Variants in NREP observed in about 807,000 individuals in gnomAD.
NREP encodes neuronal regeneration-related protein.
Under a neutral mutation model 8.6 loss-of-function variants are expected in NREP, and 5 were observed. The observed-to-expected ratio is 0.58, with a 90% CI of 0.30 to 1.22. The LOEUF is 1.22. Ranked by LOEUF, NREP falls within the 50% of genes most tolerant of loss-of-function variation. NREP has a pLI of 0.07. For synonymous variants in NREP, 27 were observed against 28.0 expected, an observed-to-expected ratio of 0.96 and a Z score of 0.11; for missense variants, 86 against 82.5, an observed-to-expected ratio of 1.04 and a Z score of -0.17.
intron 2 of NREP, among the ~76,000 whole-genome samples, chr5:111,937,420 A>G (rs944611315): frequency 3.3e-5 from 5 of 152,108 alleles, no homozygotes; most frequent in African/African-American, 1.2e-4. Flanking sequence ...CTTTCCAAGT[A>G]TGAAGTAAAG....
At chr5:111,923,679 T>C (rs1755308005) in intron 2 of NREP, among the ~76,000 whole-genome samples, 1 of 152,172 alleles carries the variant, frequency 6.6e-6, no homozygotes, top group Admixed American at 6.5e-5. Context: ...TGGCTATCCT[T>C]TAGCCACCAG....
At chr5:111,865,855 T>C (rs1341581065) in intron 2 of NREP, among the ~76,000 whole-genome samples, 1 of 152,182 alleles carries the variant, frequency 6.6e-6, no homozygotes, top group Non-Finnish European at 1.5e-5. Flanking sequence ...CCAAGTCACA[T>C]CATGAGCAAC....
chr5:111,917,043 G>T (rs570949357), intron 2 of NREP, among the ~76,000 whole-genome samples: 4 of 152,186 alleles, frequency 2.6e-5, no homozygotes, highest in Admixed American at 6.5e-5. Context: ...TTGACTTGGG[G>T]TTTTATATGT....
intron 2 of NREP, among the ~76,000 whole-genome samples, chr5:111,820,145 AC>A (rs1167554555): frequency 2.6e-4 from 40 of 152,162 alleles, no homozygotes; most frequent in African/African-American, 9.2e-4. Context: ...ACATCTGATC[AC>A]CCTGACCGTC....
upstream of NREP, among the ~76,000 whole-genome samples, chr5:111,758,509 C>T (rs1005624976): frequency 1.3e-5 from 2 of 152,036 alleles, no homozygotes; most frequent in Admixed American, 6.5e-5. Flanking sequence ...GGTTCTGTTG[C>T]CAATAAAGCA....
intron 2 of NREP, among the ~76,000 whole-genome samples, chr5:111,900,534 A>C (rs1274627132): frequency 6.6e-6 from 1 of 152,118 alleles, no homozygotes; most frequent in African/African-American, 2.4e-5. Flanking sequence ...GCCAAGAAAA[A>C]AAGAGTAAAT....
chr5:111,875,427 A>G (rs1753881161), intron 2 of NREP, among the ~76,000 whole-genome samples: 1 of 152,154 alleles, frequency 6.6e-6, no homozygotes, highest in Non-Finnish European at 1.5e-5. Context: ...TATCAGGAAA[A>G]ATAAAATAAA....
intron 2 of NREP, among the ~76,000 whole-genome samples, chr5:111,857,281 T>C (rs1753446708): frequency 6.6e-6 from 1 of 152,160 alleles, no homozygotes; most frequent in Non-Finnish European, 1.5e-5. Flanking sequence ...AGGTCAGGCC[T>C]TGGGGCCATG....
At chr5:111,787,692 T>C (rs1751644348) in intron 2 of NREP, among the ~76,000 whole-genome samples, 1 of 152,218 alleles carries the variant, frequency 6.6e-6, no homozygotes, top group Non-Finnish European at 1.5e-5. Context: ...TGTTAATCAG[T>C]AAAATATTTT....
chr5:111,740,604 G>A (rs768622613), intron 2 of NREP, among the ~76,000 whole-genome samples: 1 of 152,054 alleles, frequency 6.6e-6, no homozygotes, highest in Non-Finnish European at 1.5e-5. Context: ...GACAACTAGT[G>A]CTCCAAATGA....
At chr5:111,877,178 T>C (rs1248979110) in intron 2 of NREP, among the ~76,000 whole-genome samples, 1 of 152,178 alleles carries the variant, frequency 6.6e-6, no homozygotes, top group Non-Finnish European at 1.5e-5. Context: ...CACTGGAACA[T>C]ATCAACACTA....
chr5:111,824,521 GCT>G (rs771479863), intron 2 of NREP, among the ~76,000 whole-genome samples: 43 of 152,156 alleles, frequency 2.8e-4, no homozygotes, highest in Non-Finnish European at 4.9e-4. Context: ...TGGAAACACA[GCT>G]CTTTTTTAAT....
At chr5:111,931,701 T>C (rs1193028973) in intron 2 of NREP, among the ~76,000 whole-genome samples, 2 of 152,174 alleles carry the variant, frequency 1.3e-5, no homozygotes, top group Admixed American at 6.6e-5. Flanking sequence ...AAGATTGGAT[T>C]CTCTGACCTT....
chr5:111,787,926 T>C (rs985951940), intron 2 of NREP, among the ~76,000 whole-genome samples: 3 of 152,006 alleles, frequency 2.0e-5, no homozygotes, highest in African/African-American at 4.8e-5. Flanking sequence ...TGTGAGACCA[T>C]GTCTCTACAG....
intron 2 of NREP, among the ~76,000 whole-genome samples, chr5:111,806,213 T>C (rs543467712): frequency 6.6e-6 from 1 of 152,296 alleles, no homozygotes; most frequent in East Asian, 1.9e-4. Flanking sequence ...TCTCTACCCT[T>C]GTCCCACCTC....
intron 2 of NREP, among the ~76,000 whole-genome samples, chr5:111,936,362 C>G (rs1755682885): frequency 1.3e-5 from 2 of 152,058 alleles, no homozygotes; most frequent in Non-Finnish European, 1.5e-5. Flanking sequence ...TTTCCTGCTG[C>G]TATGTAAGAC....
intron 2 of NREP, among the ~76,000 whole-genome samples, chr5:111,869,742 A>G (rs56243059): frequency 0.086 from 13,069 of 152,182 alleles, 881 homozygotes; most frequent in East Asian, 0.25. Flanking sequence ...AATGACACCC[A>G]AAGAGCATGC....
At chr5:111,752,823 G>A (rs1750447720) in intron 2 of NREP, among the ~76,000 whole-genome samples, 1 of 152,120 alleles carries the variant, frequency 6.6e-6, no homozygotes, top group African/African-American at 2.4e-5. Flanking sequence ...CAATCATGTT[G>A]AAAACCAGGA....
intron 2 of NREP, among the ~76,000 whole-genome samples, chr5:111,791,858 G>C (rs1218158663): frequency 6.6e-6 from 1 of 152,082 alleles, no homozygotes; most frequent in South Asian, 2.1e-4. Flanking sequence ...TGTCTAATTG[G>C]GCTATGTTTC....
Sources: allele counts gnomAD v4.1 joint callset (sites outside exome capture counted in the v4.1 genomes callset), GRCh38; gene constraint gnomAD v4.1.1; transcripts MANE v1.5; gene names NCBI Gene and HGNC (gene_info 2026-07-23, HGNC 2026-07-21).